IQGAP2: variants seen among roughly 807,000 people sequenced by gnomAD.
IQGAP2 encodes the protein IQ motif containing GTPase activating protein 2.
Under a neutral mutation model 201.3 loss-of-function variants are expected in IQGAP2, and 173 were observed. The observed-to-expected ratio is 0.86, with a 90% CI of 0.76 to 0.98. The LOEUF (loss-of-function observed/expected upper bound fraction) is 0.98. Among genes scored for constraint, IQGAP2 ranks in the 50% least tolerant of loss-of-function variants. The probability of loss-of-function intolerance (pLI) is 0.00; values close to 1 mark genes in which losing one functional copy is unlikely to be tolerated. For synonymous variants in IQGAP2, 675 were observed against 673.9 expected, an observed-to-expected ratio of 1.00 and a Z score of -0.03; for missense variants, 1,687 against 1,864.8, an observed-to-expected ratio of 0.90 and a Z score of 1.76.
chr5:76,689,150 C>G (rs1746037405), intron 30 of IQGAP2, among the ~76,000 whole-genome samples: 1 of 147,900 alleles, frequency 6.8e-6, no homozygotes, highest in Non-Finnish European at 1.5e-5. Flanking sequence ...ATTTCTTTTT[C>G]CCTTGTGTAT....
Position 76,674,524 on chromosome 5 carries a change from A to T in IQGAP2, c.3342A>T (p.Val1114=). The T allele has an allele frequency of 6.2e-7, 1 of 1,614,018 alleles. No homozygotes were observed. The change falls in exon 27 of 36, where the codon GTA becomes GTT. Residue 1114 remains valine, a synonymous_variant. Coordinates refer to ENST00000274364, the MANE Select transcript of IQGAP2 (RefSeq NM_006633.5). ...LYYRYMNPAI[V]APDGFDIIDM... is the part of the protein sequence containing the mutation. ...ATCGGTACATGAATCCAGCCATTGTAGCTCCAGATGGCTTTGATATCATCG... is the reference window on the plus strand; with the variant it reads ...ATCGGTACATGAATCCAGCCATTGTTGCTCCAGATGGCTTTGATATCATCG...
chr5:76,671,781 G>A lies in IQGAP2; in HGVS notation c.2866G>A (p.Asp956Asn). The change falls in exon 24 of 36, where the codon GAC (aspartate) becomes AAC (asparagine). Residue 956 changes from aspartate to asparagine, a missense_variant. Physicochemically the swap from Asp to Asn is conservative, Grantham distance 23. Coordinates refer to ENST00000274364, the MANE Select transcript of IQGAP2 (RefSeq NM_006633.5). Reference protein sequence around the residue: ...EIKSKVDQVQDIVTGNPTVIK... With the variant: ...EIKSKVDQVQNIVTGNPTVIK... ...TAGATCAAAAGTGGACCAGGTACAG[G>A]ACATAGTTACTGGTAACCCTACAGT... 6.2e-7 allele frequency: 1 copy of A among 1,613,794 alleles called. No homozygotes were observed. The highest frequency in any genetic ancestry group is 8.5e-7 in the Non-Finnish European group (1 of 1,179,858).
At chr5:76,663,772 A>G (rs1486630187) in intron 21 of IQGAP2, among the ~76,000 whole-genome samples, 2 of 151,756 alleles carry the variant, frequency 1.3e-5, no homozygotes, top group Admixed American at 6.6e-5. Flanking sequence ...GCCTCAAGCC[A>G]TCCTCCCATG....
At chr5:76,463,948 A>T (rs1203907751) in intron 2 of IQGAP2, among the ~76,000 whole-genome samples, 1 of 151,708 alleles carries the variant, frequency 6.6e-6, no homozygotes, top group South Asian at 2.1e-4. Context: ...CCTGGGTTCA[A>T]GTGATTCTCC....
intron 33 of IQGAP2, among the ~76,000 whole-genome samples, chr5:76,698,785 C>G (rs1746988768): frequency 1.3e-5 from 2 of 151,894 alleles, no homozygotes; most frequent in South Asian, 4.1e-4. Context: ...TTATATAATC[C>G]TTGTCATCAA....
chr5:76,496,716 C>CT (rs1399465353), intron 2 of IQGAP2, among the ~76,000 whole-genome samples: 1 of 18,076 alleles, frequency 5.5e-5, no homozygotes, highest in Non-Finnish European at 1.1e-4. Context: ...TTCTTTCTTT[C>CT]TTTCTTTCTT....
chr5:76,467,475 A>G (rs1276081693), intron 2 of IQGAP2, among the ~76,000 whole-genome samples: 1 of 152,208 alleles, frequency 6.6e-6, no homozygotes, highest in East Asian at 1.9e-4. Flanking sequence ...AGCTATAATC[A>G]AAGATGGACA....
At chr5:76,577,790 A>G (rs1463310275) in intron 5 of IQGAP2, among the ~76,000 whole-genome samples, 1 of 152,256 alleles carries the variant, frequency 6.6e-6, no homozygotes, top group Non-Finnish European at 1.5e-5. Flanking sequence ...ATAGTTAGAA[A>G]TGATGATGGA....
intron 4 of IQGAP2, among the ~76,000 whole-genome samples, chr5:76,570,997 A>G (rs921217425): frequency 1.3e-5 from 2 of 151,906 alleles, no homozygotes; most frequent in African/African-American, 2.4e-5. Flanking sequence ...TTGGTGGCTC[A>G]TGCCTATAAT....
chr5:76,614,010 C>T (rs113627463), intron 13 of IQGAP2, among the ~76,000 whole-genome samples: 8 of 152,214 alleles, frequency 5.3e-5, no homozygotes, highest in South Asian at 2.1e-4. Flanking sequence ...TCTTACTAGA[C>T]GTAGAGTCTG....
Position 76,533,437 on chromosome 5 carries a change from C to T in IQGAP2, c.147-28959C>T, listed in dbSNP as rs186583801. On this transcript the variant is annotated intron_variant, in intron 2 of 35. Coordinates refer to ENST00000274364, the MANE Select transcript of IQGAP2 (RefSeq NM_006633.5). ...AAGACACATATATCTCACCATTTTA[C>T]TTTTCTTTACTAGGCAGTTCTTTAT... is the stretch of plus-strand genomic sequence containing the variant. Among the ~76,000 whole-genome samples the T allele has an allele frequency of 3.3e-3, 505 of 152,134 alleles. 11 individuals carry two copies. Among genetic ancestry groups the T allele is most frequent in the East Asian group, 0.013 (65 of 5,184 alleles).
intron 1 of IQGAP2, among the ~76,000 whole-genome samples, chr5:76,412,126 A>G (rs917843172): frequency 3.3e-5 from 5 of 152,236 alleles, no homozygotes; most frequent in African/African-American, 1.2e-4. Flanking sequence ...TTTGATAGAC[A>G]TAAGTGCACC....
At chr5:76,448,146 A>G (rs1230282764) in intron 1 of IQGAP2, among the ~76,000 whole-genome samples, 26 of 152,124 alleles carry the variant, frequency 1.7e-4, no homozygotes, top group Non-Finnish European at 8.8e-5. Context: ...GTCATCTGTG[A>G]TCTTGGACAA....
intron 31 of IQGAP2, 117 bp from the exon 32 acceptor site, chr5:76,695,337 C>T (rs1208953304): frequency 2.6e-6 from 2 of 782,562 alleles, no homozygotes; most frequent in Non-Finnish European, 4.3e-6. Context: ...TGGTTCTAGT[C>T]TCTGAACTTT....
chr5:76,685,462 A>T (rs1745651108), intron 30 of IQGAP2, among the ~76,000 whole-genome samples: 1 of 152,200 alleles, frequency 6.6e-6, no homozygotes, highest in African/African-American at 2.4e-5. Context: ...GATATCTGAG[A>T]ATCACCATTT....
intron 1 of IQGAP2, among the ~76,000 whole-genome samples, chr5:76,429,894 C>CACACACACACA (rs1401698379): frequency 2.0e-5 from 3 of 150,222 alleles, no homozygotes; most frequent in African/African-American, 7.4e-5. Flanking sequence ...CACACACACA[C>CACACACACACA]GACTATTTCA....
chr5:76,415,343 G>A (rs969984757), intron 1 of IQGAP2, among the ~76,000 whole-genome samples: 3 of 152,192 alleles, frequency 2.0e-5, no homozygotes, highest in African/African-American at 7.2e-5. Flanking sequence ...TGTAGGTAAT[G>A]AGATATTTTG....
intron 17 of IQGAP2, among the ~76,000 whole-genome samples, chr5:76,645,598 C>G (rs915368621): frequency 6.6e-6 from 1 of 151,994 alleles, no homozygotes; most frequent in Non-Finnish European, 1.5e-5. Context: ...CTCTGATGAC[C>G]AGTGATGATG....
rs550732408 is a variant in IQGAP2, at chr5:76,680,064, C to A, written c.3660+2714C>A. On this transcript the variant is annotated intron_variant, in intron 28 of 35. Coordinates refer to ENST00000274364, the MANE Select transcript of IQGAP2 (RefSeq NM_006633.5). ...AGAAAAATTTAGCATCAAACAGATA[C>A]TCTCTCCTTCACTGATCTTAAAGAT... Among the ~76,000 whole-genome samples the A allele has an allele frequency of 2.0e-5, 3 of 152,260 alleles. No individual in the cohort carries two copies. In the South Asian group the frequency reaches 6.2e-4, roughly 32 times the overall value.
Sources: gnomAD v4.1 joint callset for allele counts (sites outside exome capture counted in the v4.1 genomes callset) on GRCh38, gnomAD v4.1.1 for gene constraint, MANE v1.5 for transcripts, NCBI Gene and HGNC (gene_info 2026-07-23, HGNC 2026-07-21) for gene names.